The following KCNQ5 variants were observed in gnomAD, a reference collection of about 807,000 sequenced individuals.
The protein encoded by KCNQ5 is potassium voltage-gated channel subfamily Q member 5, also known as potassium voltage-gated channel subfamily KQT member 5.
In KCNQ5, 30 loss-of-function variants were observed where a neutral mutation model predicts 98.2. That is an observed-to-expected ratio of 0.31 (90% CI 0.23 to 0.41). The LOEUF (loss-of-function observed/expected upper bound fraction) is 0.41. Ranked by LOEUF, KCNQ5 falls within the 10% of genes least tolerant of loss-of-function variation. The pLI is 1.00. For synonymous variants in KCNQ5, 458 were observed against 449.4 expected (o/e 1.02, Z -0.24); for missense variants, 835 against 1,182.5 (o/e 0.71, Z 4.31).
chr6:72,786,001 T>C (rs1263960261), intron 1 of KCNQ5, among the ~76,000 whole-genome samples: 1 of 152,232 alleles, frequency 6.6e-6, no homozygotes, highest in African/African-American at 2.4e-5. Flanking sequence ...TTTAAAGTTT[T>C]CTGTTATTTA....
chr6:72,999,576 C>A (rs1028154274), intron 1 of KCNQ5, among the ~76,000 whole-genome samples: 7 of 152,142 alleles, frequency 4.6e-5, no homozygotes, highest in African/African-American at 1.7e-4. Context: ...TCTTCCAGCC[C>A]CGTCTTACCA....
chr6:72,854,455 A>G (rs1327133955), intron 1 of KCNQ5, among the ~76,000 whole-genome samples: 2 of 151,890 alleles, frequency 1.3e-5, no homozygotes, highest in Non-Finnish European at 2.9e-5. Flanking sequence ...TTTTACTATT[A>G]ATATGTGTTC....
At chr6:73,051,004 A>G (rs1772209052) in intron 3 of KCNQ5, among the ~76,000 whole-genome samples, 1 of 152,180 alleles carries the variant, frequency 6.6e-6, no homozygotes, top group Non-Finnish European at 1.5e-5. Context: ...GGCTGCTTCT[A>G]GTTTTTGGCT....
chr6:72,664,770 C>T (rs1194042828), intron 1 of KCNQ5, among the ~76,000 whole-genome samples: 1 of 152,154 alleles, frequency 6.6e-6, no homozygotes, highest in Non-Finnish European at 1.5e-5. Flanking sequence ...AAAGTAATAT[C>T]ATCAAATGAC....
chr6:72,928,238 T>C (rs904594477), intron 1 of KCNQ5, among the ~76,000 whole-genome samples: 5 of 152,084 alleles, frequency 3.3e-5, no homozygotes, highest in African/African-American at 4.8e-5. Context: ...ATCAGTAATA[T>C]GACTTTGCTT....
chr6:73,156,831 G>A (rs1425543447), intron 10 of KCNQ5, among the ~76,000 whole-genome samples: 1 of 152,186 alleles, frequency 6.6e-6, no homozygotes, highest in African/African-American at 2.4e-5. Context: ...GTGGAGAGGT[G>A]AACAGTACGG....
chr6:73,000,506 G>A (rs1769516637), intron 1 of KCNQ5, among the ~76,000 whole-genome samples: 1 of 152,142 alleles, frequency 6.6e-6, no homozygotes, highest in Non-Finnish European at 1.5e-5. Flanking sequence ...AGAATTTATA[G>A]CCGAGATTTA....
At chr6:73,163,278 G>A (rs1406364745) in intron 10 of KCNQ5, among the ~76,000 whole-genome samples, 1 of 151,990 alleles carries the variant, frequency 6.6e-6, no homozygotes, top group Non-Finnish European at 1.5e-5. Context: ...TGTGCCTGTA[G>A]TCCTAGCTAC....
At chr6:72,935,766 C>T (rs1213075110) in intron 1 of KCNQ5, among the ~76,000 whole-genome samples, 1 of 152,210 alleles carries the variant, frequency 6.6e-6, no homozygotes, top group Non-Finnish European at 1.5e-5. Flanking sequence ...GTTCCACTCT[C>T]ATCTTTTCAA....
chr6:72,944,422 A>T (rs1766445616), intron 1 of KCNQ5, among the ~76,000 whole-genome samples: 1 of 152,212 alleles, frequency 6.6e-6, no homozygotes, highest in Admixed American at 6.5e-5. Flanking sequence ...ACAAATACTT[A>T]TTGAGCACCT....
At chr6:72,914,937 C>T (rs1480343230) in intron 1 of KCNQ5, among the ~76,000 whole-genome samples, 1 of 152,084 alleles carries the variant, frequency 6.6e-6, no homozygotes, top group Non-Finnish European at 1.5e-5. Flanking sequence ...ACCAAATAAA[C>T]ACTTCTGGCT....
At chr6:72,734,185 C>A (rs1478062413) in intron 1 of KCNQ5, among the ~76,000 whole-genome samples, 1 of 152,178 alleles carries the variant, frequency 6.6e-6, no homozygotes, top group Non-Finnish European at 1.5e-5. Flanking sequence ...TGCAGAGGAG[C>A]TTTGTAATAC....
intron 1 of KCNQ5, among the ~76,000 whole-genome samples, chr6:72,714,673 A>G (rs935320995): frequency 6.6e-6 from 1 of 152,208 alleles, no homozygotes; most frequent in South Asian, 2.1e-4. Context: ...ACTGATGACC[A>G]TCTGACCAGT....
chr6:72,757,802 A>T (rs1561963997), intron 1 of KCNQ5, among the ~76,000 whole-genome samples: 1 of 152,136 alleles, frequency 6.6e-6, no homozygotes, highest in African/African-American at 2.4e-5. Flanking sequence ...AGTTGGGAAA[A>T]TAGTACTGGA....
At chr6:72,847,120 T>C (rs1475851255) in intron 1 of KCNQ5, among the ~76,000 whole-genome samples, 1 of 151,464 alleles carries the variant, frequency 6.6e-6, no homozygotes, top group South Asian at 2.1e-4. Flanking sequence ...ATAATAATAA[T>C]AAAATAAATT....
intron 1 of KCNQ5, among the ~76,000 whole-genome samples, chr6:72,872,815 T>G (rs564133998): frequency 3.9e-5 from 6 of 152,218 alleles, no homozygotes; most frequent in South Asian, 4.2e-4. Context: ...TGGAGAGTAT[T>G]CAAATTATGA....
Position 72,718,445 on chromosome 6 carries a change from CTTTTTTTTTTT to C in KCNQ5, c.398+95874_398+95884del, listed in dbSNP as rs1032425332. Among the ~76,000 whole-genome samples the C allele has an allele frequency of 3.6e-4, 26 of 71,480 alleles. 1 individual carries two copies. The highest frequency in any genetic ancestry group is 9.8e-3 in the Middle Eastern group (1 of 102). 46.9% of individuals were successfully genotyped at this position (71,480 alleles called of 152,430 possible). On this transcript the variant is annotated intron_variant, in intron 1 of 13. Coordinates refer to ENST00000370398, the MANE Select transcript of KCNQ5 (RefSeq NM_019842.4). Reference sequence around the variant, plus strand: ...GGTCTTGAGATTCTTCCTTTCTGCTCTTTTTTTTTTTTTTTTTTTTTTTTTTGACAGAGTCT... The same window carrying C: ...GGTCTTGAGATTCTTCCTTTCTGCTCTTTTTTTTTTTTTTTGACAGAGTCT...
chr6:72,779,951 G>A (rs1393641830), intron 1 of KCNQ5, among the ~76,000 whole-genome samples: 4 of 151,478 alleles, frequency 2.6e-5, no homozygotes, highest in Admixed American at 2.6e-4. Context: ...CCTCCCAGCT[G>A]GGCATCCCAA....
intron 1 of KCNQ5, among the ~76,000 whole-genome samples, chr6:72,658,576 ATATTTT>A (rs1565063116): frequency 1.1e-5 from 1 of 92,410 alleles, no homozygotes; most frequent in East Asian, 2.5e-4. Flanking sequence ...ATATATATAT[ATATTTT>A]TTTTTTTTTT....
Sources: gnomAD v4.1 joint callset for allele counts (sites outside exome capture counted in the v4.1 genomes callset) on GRCh38, gnomAD v4.1.1 for gene constraint, MANE v1.5 for transcripts, NCBI Gene and HGNC (gene_info 2026-07-23, HGNC 2026-07-21) for gene names.